CACNB2: variants seen among roughly 807,000 people sequenced by gnomAD.
The protein encoded by CACNB2 is voltage-dependent L-type calcium channel subunit beta-2.
In CACNB2, 42 loss-of-function variants were observed where a neutral mutation model predicts 73.3. The observed-to-expected ratio is 0.57, with a 90% confidence interval of 0.45 to 0.74. The LOEUF (loss-of-function observed/expected upper bound fraction) is 0.74, where lower values mean the gene tolerates loss of function less well. Among genes scored for constraint, CACNB2 ranks in the 30% least tolerant of loss-of-function variants. CACNB2 has a pLI of 0.00. For missense variants in CACNB2, 940 were observed against 853.0 expected (o/e 1.10, Z -1.27); for synonymous variants, 348 against 310.3 (o/e 1.12, Z -1.28).
intron 2 of CACNB2, among the ~76,000 whole-genome samples, chr10:18,370,019 T>A (rs752074644): frequency 1.2e-4 from 18 of 152,240 alleles, no homozygotes; most frequent in African/African-American, 1.7e-4. Context: ...TCTTTTGTCC[T>A]GCTTTTGGCA....
chr10:18,390,622 G>T (rs1284594625), intron 2 of CACNB2, among the ~76,000 whole-genome samples: 2 of 151,766 alleles, frequency 1.3e-5, no homozygotes, highest in Non-Finnish European at 2.9e-5. Flanking sequence ...ATTGCTTGAA[G>T]AAATATCTTC....
At chr10:18,164,847 C>T (rs988547617) in intron 2 of CACNB2, among the ~76,000 whole-genome samples, 15 of 152,070 alleles carry the variant, frequency 9.9e-5, no homozygotes, top group Non-Finnish European at 1.6e-4. Flanking sequence ...GCGTGGGAAA[C>T]AGGCCAAAAA....
intron 5 of CACNB2, among the ~76,000 whole-genome samples, chr10:18,502,686 T>A (rs2050262861): frequency 1.7e-5 from 1 of 58,640 alleles, no homozygotes. Context: ...CAAGACTCCA[T>A]CTCAAAAAAA....
At chr10:18,375,178 C>G (rs1254928893) in intron 2 of CACNB2, among the ~76,000 whole-genome samples, 1 of 152,090 alleles carries the variant, frequency 6.6e-6, no homozygotes, top group Non-Finnish European at 1.5e-5. Context: ...TACCACTGCA[C>G]TCAGCCTGAG....
chr10:18,300,534 C>A (rs554465365), intron 2 of CACNB2, among the ~76,000 whole-genome samples: 3 of 152,230 alleles, frequency 2.0e-5, no homozygotes, highest in Non-Finnish European at 4.4e-5. Flanking sequence ...ACTAACAGAA[C>A]CTATTACAGC....
In CACNB2 at chr10:18,400,314, T is replaced by G. The variant is rs565576052; in HGVS notation, c.214-1610T>G. On this transcript the variant is annotated intron_variant, in intron 2 of 13. Coordinates refer to ENST00000324631, the MANE Select transcript of CACNB2 (RefSeq NM_201596.3). ...AGGACACACTTAGTGGAGCAGGTAA[T>G]GGAAAGGGATTATTAAAGGAAACGA... 2.0e-4 allele frequency among the ~76,000 whole-genome samples: 31 copies of G among 152,328 alleles called. 1 individual carries two copies. The South Asian group carries it at 6.4e-3, about 32-fold the overall frequency.
chr10:18,274,354 A>C (rs969898687), intron 2 of CACNB2, among the ~76,000 whole-genome samples: 2 of 152,210 alleles, frequency 1.3e-5, no homozygotes, highest in African/African-American at 4.8e-5. Context: ...GAACACTGCA[A>C]ATATCTTAAA....
chr10:18,274,087 A>G lies in CACNB2; in HGVS notation c.213+123112A>G, dbSNP rs186981798. 2.0e-5 allele frequency among the ~76,000 whole-genome samples: 3 copies of G among 152,300 alleles called. No homozygotes were observed. In the East Asian group the frequency reaches 5.8e-4, roughly 29 times the overall value. ...ACCTCTAACTTTGACATCATTATGGATGCTGCAGAAATAAGTCGGATGTCC... is the reference window on the plus strand; with the variant it reads ...ACCTCTAACTTTGACATCATTATGGGTGCTGCAGAAATAAGTCGGATGTCC... On this transcript the variant is annotated intron_variant, in intron 2 of 13. Coordinates refer to ENST00000324631, the MANE Select transcript of CACNB2 (RefSeq NM_201596.3).
At chr10:18,383,927 A>C (rs868199510) in intron 2 of CACNB2, among the ~76,000 whole-genome samples, 6 of 152,052 alleles carry the variant, frequency 3.9e-5, no homozygotes, top group Non-Finnish European at 7.4e-5. Context: ...GCTGGTCTCA[A>C]ACTCCTGACT....
At chr10:18,499,642 A>AGAG (rs2050074449) in intron 4 of CACNB2, among the ~76,000 whole-genome samples, 1 of 144,220 alleles carries the variant, frequency 6.9e-6, no homozygotes, top group African/African-American at 2.6e-5. Flanking sequence ...AAAAAAAAGA[A>AGAG]CCTAGAAGCC....
At chr10:18,371,610 C>T (rs1441375504) in intron 2 of CACNB2, among the ~76,000 whole-genome samples, 1 of 152,146 alleles carries the variant, frequency 6.6e-6, no homozygotes, top group Non-Finnish European at 1.5e-5. Context: ...CATTGTTGGA[C>T]ATTTGGGTTG....
chr10:18,480,456 A>G (rs2048665820), intron 3 of CACNB2, among the ~76,000 whole-genome samples: 1 of 152,210 alleles, frequency 6.6e-6, no homozygotes, highest in African/African-American at 2.4e-5. Flanking sequence ...GCAATGAATG[A>G]TGTTGTTACT....
chr10:18,536,196 A>G lies in CACNB2; in HGVS notation c.1302A>G (p.Pro434=), dbSNP rs775556040. ...VAADKLAQCP[P]ELFDVILDEN... ...CTGATAAACTGGCTCAGTGTCCTCC[A>G]GTAAGTTATCTCTATATACAGCATA... Residue 434 remains proline, a splice_region_variant and synonymous_variant, in exon 12 of 14, where the codon CCA becomes CCG. Transcript: ENST00000324631. 49 of 1,488,958 alleles carry G rather than the reference A, an allele frequency of 3.3e-5. No individual in the cohort carries two copies. The highest frequency in any genetic ancestry group is 4.5e-5 in the Non-Finnish European group (49 of 1,082,514). The allele number at this position is 1,488,958 out of a possible 1,614,324, so 92.2% of individuals were successfully genotyped here.
chr10:18,395,694 G>A (rs932009193), intron 2 of CACNB2, among the ~76,000 whole-genome samples: 16 of 152,020 alleles, frequency 1.1e-4, no homozygotes, highest in Admixed American at 5.9e-4. Flanking sequence ...TGACATTTTG[G>A]CTTTTACAGG....
chr10:18,500,747 G>C, intron 4 of CACNB2, 65 bp from the exon 5 acceptor site: 1 of 1,498,966 alleles, frequency 6.7e-7, no homozygotes, highest in East Asian at 2.3e-5. Context: ...ACTGAAAATA[G>C]TGTGGAAGAA....
chr10:18,215,024 A>G (rs1250148544), intron 2 of CACNB2, among the ~76,000 whole-genome samples: 1 of 152,216 alleles, frequency 6.6e-6, no homozygotes, highest in Non-Finnish European at 1.5e-5. Context: ...TTGGCTAAAA[A>G]TCATTGGGTC....
At chr10:18,422,550 CCTCA>C (rs1325332270) in intron 3 of CACNB2, among the ~76,000 whole-genome samples, 1 of 152,198 alleles carries the variant, frequency 6.6e-6, no homozygotes, top group Non-Finnish European at 1.5e-5. Context: ...TTCCATCTCT[CCTCA>C]CTCGTCACCT....
chr10:18,358,497 GCTCTCTCTCTCTCTCTCTCTCTCTCT>G (rs59205683), intron 2 of CACNB2, among the ~76,000 whole-genome samples: 3 of 104,284 alleles, frequency 2.9e-5, no homozygotes, highest in Admixed American at 1.1e-4. Flanking sequence ...TAATGAGCAC[GCTCTCTCTCTCTCTCTCTCTCTCTCT>G]CTCTCTCTCT....
intron 2 of CACNB2, among the ~76,000 whole-genome samples, chr10:18,249,344 G>A (rs2036994307): frequency 6.6e-6 from 1 of 152,100 alleles, no homozygotes; most frequent in African/African-American, 2.4e-5. Context: ...CTCTGTTGAA[G>A]TGTCTTTTGT....
Sources: gnomAD v4.1 joint callset for allele counts (sites outside exome capture counted in the v4.1 genomes callset) on GRCh38, gnomAD v4.1.1 for gene constraint, MANE v1.5 for transcripts, NCBI Gene and HGNC (gene_info 2026-07-23, HGNC 2026-07-21) for gene names.